Variants in GRIK1 observed in about 807,000 individuals in gnomAD.
The protein encoded by GRIK1 is glutamate ionotropic receptor kainate type subunit 1.
In GRIK1, 69 loss-of-function variants were observed where a neutral mutation model predicts 105.7. The observed-to-expected ratio is 0.65, with a 90% CI of 0.54 to 0.80. GRIK1 has a LOEUF of 0.80. GRIK1 is among the 30% of genes least tolerant of loss of function. The pLI is 0.00. For missense variants in GRIK1, 1,109 were observed against 1,167.3 expected (o/e 0.95, Z 0.73); for synonymous variants, 438 against 431.3 (o/e 1.02, Z -0.19).
At chr21:29,875,178 A>G (rs1279738500) in intron 1 of GRIK1, among the ~76,000 whole-genome samples, 1 of 152,122 alleles carries the variant, frequency 6.6e-6, no homozygotes, top group Non-Finnish European at 1.5e-5. Flanking sequence ...TACCTTAGAC[A>G]TCTGAGGACA....
At chr21:29,777,854 T>C (rs149523494) in intron 1 of GRIK1, among the ~76,000 whole-genome samples, 5 of 152,242 alleles carry the variant, frequency 3.3e-5, no homozygotes, top group African/African-American at 9.6e-5. Context: ...TGACGACTAA[T>C]TGAGTGGCAA....
intron 1 of GRIK1, among the ~76,000 whole-genome samples, chr21:29,884,741 A>G (rs1412821384): frequency 6.6e-6 from 1 of 152,090 alleles, no homozygotes; most frequent in Non-Finnish European, 1.5e-5. Context: ...GAGACAACGG[A>G]GATTTAGAAA....
chr21:29,755,691 T>C (rs992205384), intron 1 of GRIK1, among the ~76,000 whole-genome samples: 9 of 152,044 alleles, frequency 5.9e-5, no homozygotes, highest in African/African-American at 2.2e-4. Context: ...CCCTCTGATA[T>C]GGAATGAGAA....
At chr21:29,695,904 A>T (rs1411905094) in intron 1 of GRIK1, among the ~76,000 whole-genome samples, 1 of 151,996 alleles carries the variant, frequency 6.6e-6, no homozygotes, top group Non-Finnish European at 1.5e-5. Context: ...TCAAAGGGGG[A>T]AAAAAAAGAA....
intron 1 of GRIK1, among the ~76,000 whole-genome samples, chr21:29,904,017 C>T (rs550856505): frequency 1.3e-5 from 2 of 152,286 alleles, no homozygotes; most frequent in Admixed American, 6.5e-5. Context: ...AGCAAACTCT[C>T]ACAAGATCAG....
chr21:29,850,259 C>G (rs540913176), intron 1 of GRIK1, among the ~76,000 whole-genome samples: 321 of 152,214 alleles, frequency 2.1e-3, no homozygotes, highest in African/African-American at 7.4e-3. Flanking sequence ...TCCTGGGTAG[C>G]ATTTCTTAAA....
chr21:29,610,864 A>G (rs1358059018), intron 7 of GRIK1, among the ~76,000 whole-genome samples: 2 of 152,178 alleles, frequency 1.3e-5, no homozygotes, highest in Non-Finnish European at 2.9e-5. Context: ...TTTCTTACAG[A>G]AGTTAATTTT....
chr21:29,850,526 C>G (rs1185184786), intron 1 of GRIK1, among the ~76,000 whole-genome samples: 1 of 152,150 alleles, frequency 6.6e-6, no homozygotes. Context: ...ACAACCACCA[C>G]CACAACAATG....
Position 29,555,170 on chromosome 21 carries a change from A to G in GRIK1, c.2489T>C (p.Leu830Pro). ...GATGCCTCCAATATTTTCCACTCCC[A>G]GGGCACTGGCTTCTTTGTTGTCTTC... The part of the protein sequence containing the change: ...PEEDNKEASA[L>P]GVENIGGIFI... The change falls in exon 16 of 18, where the codon CTG becomes CCG. Residue 830 changes from leucine to proline, a missense_variant. By Grantham distance (98) the Leu-to-Pro change is moderately conservative. Around this residue, in one of 5 missense-constraint regions of GRIK1, gnomAD observed 161 missense variants for 143.4 expected, o/e 1.12. Transcript: ENST00000327783. The G allele has an allele frequency of 6.2e-7, 1 of 1,613,992 alleles. No individual in the cohort carries two copies. Among genetic ancestry groups the G allele is most frequent in the Non-Finnish European group, 8.5e-7 (1 of 1,179,920 alleles).
chr21:29,780,250 G>A (rs1057499467), intron 1 of GRIK1, among the ~76,000 whole-genome samples: 18 of 152,080 alleles, frequency 1.2e-4, no homozygotes, highest in Admixed American at 6.5e-5. Flanking sequence ...TTTGAACCAC[G>A]TTCCCCTTTT....
chr21:29,591,782 C>T (rs1410899826), intron 9 of GRIK1, among the ~76,000 whole-genome samples: 1 of 152,142 alleles, frequency 6.6e-6, no homozygotes, highest in Admixed American at 6.5e-5. Context: ...GGTGCCGAGA[C>T]TCATGCCTGT....
At chr21:29,581,388 G>C (rs1180625116) in intron 13 of GRIK1, 37 bp downstream of exon 13, 1 of 1,162,202 alleles carries the variant, frequency 8.6e-7, no homozygotes, top group South Asian at 1.2e-5. Context: ...TCAGCACACT[G>C]TGGGATGCGT....
chr21:29,877,140 T>G (rs181806299), intron 1 of GRIK1, among the ~76,000 whole-genome samples: 1 of 152,320 alleles, frequency 6.6e-6, no homozygotes, highest in Non-Finnish European at 1.5e-5. Flanking sequence ...TTTATGCTTT[T>G]ACAATAAAAA....
chr21:29,845,207 T>C (rs1176431810), intron 1 of GRIK1, among the ~76,000 whole-genome samples: 1 of 152,142 alleles, frequency 6.6e-6, no homozygotes, highest in Non-Finnish European at 1.5e-5. Context: ...ATTCTTGGAA[T>C]TATTTTTTCT....
chr21:29,925,169 C>T lies in GRIK1; in HGVS notation c.118+14214G>A, dbSNP rs115299560. Among the ~76,000 whole-genome samples, 953 of 152,308 alleles carry T rather than the reference C, an allele frequency of 6.3e-3. 13 individuals are homozygous for T. The highest frequency in any genetic ancestry group is 0.022 in the African/African-American group (918 of 41,556). ...CACCACTGATTTGATCGTAGGTATG[C>T]TATCTATAACATCACATTGTTTCCC... On this transcript the variant is annotated intron_variant, in intron 1 of 17. Coordinates refer to ENST00000327783, the MANE Select transcript of GRIK1 (RefSeq NM_001330994.2).
rs191154338 is a variant in GRIK1 at position 29,864,006 on chromosome 21, C to A, written c.118+75377G>T. 9.0e-4 allele frequency among the ~76,000 whole-genome samples: 137 copies of A among 152,260 alleles called. 4 individuals are homozygous for A. Among genetic ancestry groups the A allele is most frequent in the Admixed American group, 6.9e-3 (106 of 15,294 alleles). ...TCGTTGTTGTCTAGGTCTGCCATATCGTGAAACCTCCCTTTAATCATTATT... is the reference window on the plus strand; with the variant it reads ...TCGTTGTTGTCTAGGTCTGCCATATAGTGAAACCTCCCTTTAATCATTATT... On this transcript the variant is annotated intron_variant, in intron 1 of 17. Coordinates refer to ENST00000327783, the MANE Select transcript of GRIK1 (RefSeq NM_001330994.2).
chr21:29,627,262 G>A (rs1005642932), intron 7 of GRIK1, among the ~76,000 whole-genome samples: 1 of 152,140 alleles, frequency 6.6e-6, no homozygotes, highest in Admixed American at 6.5e-5. Context: ...ATGGTGGAAA[G>A]TATTTTACTT....
chr21:29,880,010 G>A (rs2069344874), intron 1 of GRIK1, among the ~76,000 whole-genome samples: 1 of 152,076 alleles, frequency 6.6e-6, no homozygotes, highest in Non-Finnish European at 1.5e-5. Flanking sequence ...TGAAGCCCCT[G>A]GGGGCCTTCA....
At position 29,902,861 on chromosome 21, in the gene GRIK1, A is replaced by T. The variant is rs528345874; in HGVS notation, c.118+36522T>A. 3.0e-4 allele frequency among the ~76,000 whole-genome samples: 45 copies of T among 152,322 alleles called. No individual in the cohort carries two copies. In the South Asian group the frequency reaches 9.1e-3, roughly 31 times the overall value. ...CAAGAAGAACAAAGCTGGAGGCATC[A>T]CACTACCTGACTTCAAACTACACTA... On this transcript the variant is annotated intron_variant, in intron 1 of 17. Coordinates refer to ENST00000327783, the MANE Select transcript of GRIK1 (RefSeq NM_001330994.2).
Sources: allele counts gnomAD v4.1 joint callset (sites outside exome capture counted in the v4.1 genomes callset), GRCh38; gene constraint gnomAD v4.1.1; regional missense constraint gnomAD v4.1.1; transcripts MANE v1.5; gene names NCBI Gene and HGNC (gene_info 2026-07-23, HGNC 2026-07-21).